The following DEPDC1 variants were observed in gnomAD, a reference collection of about 807,000 sequenced individuals.
DEPDC1 encodes the protein DEP domain containing 1.
DEPDC1 carries 66 observed loss-of-function variants against 86.8 expected under a neutral mutation model. The ratio of observed to expected loss-of-function variants is 0.76; its 90% CI spans 0.62 to 0.93. The LOEUF (loss-of-function observed/expected upper bound fraction) is 0.93. Among genes scored for constraint, DEPDC1 ranks in the 40% least tolerant of loss-of-function variants. The pLI is 0.00. For missense variants in DEPDC1, 792 were observed against 935.7 expected (o/e 0.85, Z 2.00); for synonymous variants, 255 against 314.9 (o/e 0.81, Z 2.02).
At position 68,476,774 on chromosome 1, in the gene DEPDC1, G is replaced by T; in HGVS notation, c.*158C>A. ...AATTGAGATCTAGTTAGTTTCCTAA[G>T]AGTCTCACATTGATAACTATTTTGG... On this transcript the variant is annotated 3_prime_UTR_variant, in exon 12 of 12. Transcript: ENST00000456315. 1.7e-6 allele frequency: 1 copy of T among 575,866 alleles called. No individual in the cohort carries two copies. 35.7% of individuals were successfully genotyped at this position (575,866 alleles called of 1,614,324 possible). A position where few individuals can be genotyped will look rare whatever the true frequency, so the allele number is the denominator to read the frequency against.
In DEPDC1 at chr1:68,494,579, G is replaced by C. The variant is rs1646251951; in HGVS notation, c.165C>G (p.Asp55Glu). 6.2e-7 allele frequency: 1 copy of C among 1,613,672 alleles called. No individual in the cohort carries two copies. The highest frequency in any genetic ancestry group is 1.1e-5 in the South Asian group (1 of 91,072). ...CAAAATTGCTATTATTTCTTAATAG[G>C]TCATAAAGCCAATCCACTGCTTCTC... is the stretch of plus-strand genomic sequence containing the variant. ...TAGEAVDWLYDLLRNNSNFGP... is the reference protein window; with the variant it reads ...TAGEAVDWLYELLRNNSNFGP... Residue 55 changes from aspartate (D) to glutamate (E), a missense_variant, in exon 2 of 12, where the codon GAC becomes GAG. Transcript: ENST00000456315.
chr1:68,479,328 A>G lies in DEPDC1; in HGVS notation c.1936-8T>C. ...AGAAAAGGTATGTATCATCTAGAAAAATATTAAAAGATGTGAATTTAAAAA... is the reference window on the plus strand; with the variant it reads ...AGAAAAGGTATGTATCATCTAGAAAGATATTAAAAGATGTGAATTTAAAAA... On this transcript the variant is annotated splice_polypyrimidine_tract_variant and splice_region_variant and intron_variant, in intron 9 of 11. Transcript: ENST00000456315. 1 of 1,562,500 alleles carries G rather than the reference A, an allele frequency of 6.4e-7. No homozygotes were observed. The highest frequency in any genetic ancestry group is 1.2e-5 in the South Asian group (1 of 82,570).
chr1:68,482,926 T>A, intron 7 of DEPDC1, 29 bp from the exon 8 acceptor site: 2 of 1,536,922 alleles, frequency 1.3e-6, no homozygotes, highest in South Asian at 1.3e-5. Context: ...AAAATTAAGA[T>A]GCAACTGTAT....
intron 10 of DEPDC1, among the ~76,000 whole-genome samples, 176 bp from the exon 11 acceptor site, chr1:68,478,148 C>T (rs548601633): frequency 6.6e-6 from 1 of 151,986 alleles, no homozygotes; most frequent in East Asian, 1.9e-4. Flanking sequence ...TAAACCCCAG[C>T]TCCATAATCT....
At chr1:68,486,105 TG>T (rs1359466524) in intron 6 of DEPDC1, among the ~76,000 whole-genome samples, 1 of 152,128 alleles carries the variant, frequency 6.6e-6, no homozygotes. Flanking sequence ...AAAAAATTTC[TG>T]GATTAGTGAC....
Position 68,497,082 on chromosome 1 carries a change from C to A in DEPDC1, c.-83G>T. The A allele has an allele frequency of 6.7e-7, 1 of 1,485,120 alleles. No homozygotes were observed. Among genetic ancestry groups the A allele is most frequent in the Non-Finnish European group, 9.3e-7 (1 of 1,072,056 alleles). The allele number at this position is 1,485,120 out of a possible 1,614,324, so 92.0% of individuals were successfully genotyped here. Reference sequence around the variant, plus strand: ...GCCGCGGCAGTGGCGAGTCTCGGCACAACCGTTGGCCCCGCCGCCGATTTG... The same window carrying A: ...GCCGCGGCAGTGGCGAGTCTCGGCAAAACCGTTGGCCCCGCCGCCGATTTG... On this transcript the variant is annotated 5_prime_UTR_variant, in exon 1 of 12. Transcript: ENST00000456315.
At chr1:68,481,634 C>CT in intron 8 of DEPDC1, 22 bp from the exon 9 acceptor site, 1 of 1,467,366 alleles carries the variant, frequency 6.8e-7, no homozygotes. Flanking sequence ...AAATACCCCC[C>CT]CAAAAATCAT....
At chr1:68,487,096 A>T in intron 5 of DEPDC1, 112 bp from the exon 6 acceptor site, 1 of 865,406 alleles carries the variant, frequency 1.2e-6, no homozygotes, top group Non-Finnish European at 1.6e-6. Context: ...ATACACATAC[A>T]TGTTACATTT....
chr1:68,483,992 G>T lies in DEPDC1; in HGVS notation c.868C>A (p.Leu290Ile), dbSNP rs776948006. Residue 290 changes from leucine (L) to isoleucine (I), a missense_variant, in exon 7 of 12, where the codon CTA (leucine) becomes ATA (isoleucine). Physicochemically the swap from Leu to Ile is conservative, Grantham distance 5 (BLOSUM62 2). Coordinates refer to ENST00000456315, the MANE Select transcript of DEPDC1 (RefSeq NM_001114120.3). ...ADYFLDLPEPLLTFEYYELFV... is the reference protein window; with the variant it reads ...ADYFLDLPEPILTFEYYELFV... ...AATTCGTAATATTCAAAAGTAAGTA[G>T]AGGTTCAGGGAGATCTAGAAAATAA... 2.6e-6 allele frequency: 4 copies of T among 1,554,828 alleles called. No individual in the cohort carries two copies. The highest frequency in any genetic ancestry group is 2.6e-6 in the Non-Finnish European group (3 of 1,144,958).
At chr1:68,488,341 T>G in intron 5 of DEPDC1, 33 bp downstream of exon 5, 2 of 1,550,000 alleles carry the variant, frequency 1.3e-6, no homozygotes, top group Non-Finnish European at 8.6e-7. Flanking sequence ...GTTGGCAAGT[T>G]TTTAAAAGTC....
At position 68,496,724 on chromosome 1, in the gene DEPDC1, G is replaced by T; in HGVS notation, c.48+228C>A. ...GCGAGTCTGGTGCGGCCTACGCGCG[G>T]CGCTTCCTTTCGGACCTGAGGCCCA... On this transcript the variant is annotated intron_variant, in intron 1 of 11. Transcript: ENST00000456315. The surrounding 1 kb of genome is among the most constrained non-coding windows in gnomAD (Gnocchi z 4.0). The T allele has an allele frequency of 2.2e-6, 1 of 450,960 alleles. No homozygotes were observed. 27.9% of individuals were successfully genotyped at this position (450,960 alleles called of 1,614,324 possible).
chr1:68,483,743 T>C (rs1321438018), intron 7 of DEPDC1, among the ~76,000 whole-genome samples: 1 of 152,038 alleles, frequency 6.6e-6, no homozygotes, highest in Admixed American at 6.6e-5. Context: ...TAGTGAATTA[T>C]TGAGTCTGGT....
At chr1:68,490,337 G>A (rs1368971736) in intron 2 of DEPDC1, among the ~76,000 whole-genome samples, 1 of 151,988 alleles carries the variant, frequency 6.6e-6, no homozygotes, top group Non-Finnish European at 1.5e-5. Flanking sequence ...GTTCTCATCA[G>A]TTAGCTCCCA....
At position 68,482,268 on chromosome 1, in the gene DEPDC1, G is replaced by C; in HGVS notation, c.1540C>G (p.Leu514Val). Residue 514 changes from leucine (L) to valine (V), a missense_variant, in exon 8 of 12, where the codon CTT becomes GTT. Physicochemically the swap from Leu to Val is conservative, Grantham distance 32 (BLOSUM62 1). Transcript: ENST00000456315. ...SKQLCRSQSL[L>V]LRSSTRRNSY... ...TTCCTTCTTGTACTACTTCTTAAAA[G>C]CAAACTCTGAGACCTACAAAGCTGT... The C allele has an allele frequency of 6.2e-7, 1 of 1,612,670 alleles. No homozygotes were observed. Among genetic ancestry groups the C allele is most frequent in the East Asian group, 2.2e-5 (1 of 44,840 alleles).
rs1291879502 is a variant in DEPDC1 at position 68,479,196 on chromosome 1, G to A, written c.2060C>T (p.Ser687Phe). ...DHHQEILQVP[S>F]YLQTAVEKHL... ...TTTTTCCACTGCAGTCTGTAAGTAA[G>A]AGGGTACTTGAAGAATTTCCTGATG... The change falls in exon 10 of 12, where the codon TCT becomes TTT. Residue 687 changes from serine (S) to phenylalanine (F), a missense_variant. Transcript: ENST00000456315. The A allele has an allele frequency of 1.1e-5, 17 of 1,611,878 alleles. No homozygotes were observed. Among genetic ancestry groups the A allele is most frequent in the Non-Finnish European group, 1.4e-5 (16 of 1,179,222 alleles).
chr1:68,495,304 G>A (rs1290038187), intron 1 of DEPDC1, among the ~76,000 whole-genome samples: 2 of 152,114 alleles, frequency 1.3e-5, no homozygotes, highest in African/African-American at 2.4e-5. Context: ...AAATAAGGAA[G>A]AACTACAATC....
chr1:68,495,357 T>C (rs1267178957), intron 1 of DEPDC1, among the ~76,000 whole-genome samples: 2 of 152,210 alleles, frequency 1.3e-5, no homozygotes, highest in East Asian at 3.8e-4. Context: ...TCAATTAATA[T>C]TAATGTTGGT....
rs767801983 is a variant in DEPDC1, at chr1:68,482,168, G to C, written c.1640C>G (p.Thr547Arg). ...CTCTCCGAGTTCACTTTCCATAGCT[G>C]TTTGCACACTTGTGCTGCCTTGTCC... ...NVGQGSTSVQ[T>R]AMESELGESS... The change falls in exon 8 of 12, where the codon ACA (threonine) becomes AGA (arginine). Residue 547 changes from threonine (T) to arginine (R), a missense_variant. Transcript: ENST00000456315. The C allele has an allele frequency of 1.9e-6, 3 of 1,612,980 alleles. No individual in the cohort carries two copies. The South Asian group carries it at 3.3e-5, about 18-fold the overall frequency.
At chr1:68,492,956 C>A (rs1571206050) in intron 2 of DEPDC1, among the ~76,000 whole-genome samples, 1 of 152,014 alleles carries the variant, frequency 6.6e-6, no homozygotes, top group African/African-American at 2.4e-5. Context: ...ATTTGAAGTG[C>A]CTTTCCAGGA....
Sources: allele counts gnomAD v4.1 joint callset (sites outside exome capture counted in the v4.1 genomes callset), GRCh38; gene constraint gnomAD v4.1.1; non-coding constraint Gnocchi (gnomAD v3.1); transcripts MANE v1.5; gene names NCBI Gene and HGNC (gene_info 2026-07-23, HGNC 2026-07-21).